PLEKHM1: variants seen among roughly 807,000 people sequenced by gnomAD.
PLEKHM1 encodes pleckstrin homology and RUN domain containing M1, also known as pleckstrin homology domain-containing family M member 1.
A neutral mutation model predicts 94.3 loss-of-function variants in PLEKHM1; 28 were observed. The ratio of observed to expected loss-of-function variants is 0.30; its 90% CI spans 0.22 to 0.41. The LOEUF (loss-of-function observed/expected upper bound fraction) is 0.41, where lower values mean the gene tolerates loss of function less well. PLEKHM1 is among the 10% of genes least tolerant of loss of function. The pLI, the probability that PLEKHM1 is intolerant of heterozygous loss-of-function variation, is 1.00. For missense variants in PLEKHM1, 907 were observed against 1,358.6 expected, an observed-to-expected ratio of 0.67 and a Z score of 5.22; for synonymous variants, 424 against 581.2, an observed-to-expected ratio of 0.73 and a Z score of 3.89.
intron 8 of PLEKHM1, among the ~76,000 whole-genome samples, chr17:45,448,448 C>G: frequency 6.6e-6 from 1 of 152,376 alleles, no homozygotes; most frequent in South Asian, 2.1e-4. Context: ...ACATAGCTGG[C>G]AGGCCCTGGC....
At chr17:45,435,435 AAAAC>A (rs1189447645), downstream of PLEKHM1, among the ~76,000 whole-genome samples, 11 of 152,210 alleles carry the variant, frequency 7.2e-5, no homozygotes, top group Non-Finnish European at 1.3e-4. Context: ...TTTGAGCCCT[AAAAC>A]CATGAGCCCT....
At position 45,478,156 on chromosome 17, in the gene PLEKHM1, C is replaced by G. The variant is rs1488056257; in HGVS notation, c.49-9G>C. The G allele has an allele frequency of 5.0e-6, 8 of 1,614,054 alleles. No individual in the cohort carries two copies. Among genetic ancestry groups the G allele is most frequent in the Non-Finnish European group, 5.9e-6 (7 of 1,180,026 alleles). ...AGCTTCTTCTTGATGACCTAGGCAGCACCACACAGAACACAGGCCTTTAGC... is the reference window on the plus strand; with the variant it reads ...AGCTTCTTCTTGATGACCTAGGCAGGACCACACAGAACACAGGCCTTTAGC... On this transcript the variant is annotated splice_polypyrimidine_tract_variant and intron_variant, in intron 2 of 11. Transcript: ENST00000430334.
intron 1 of PLEKHM1, among the ~76,000 whole-genome samples, chr17:45,489,423 G>A (rs2868667): frequency 9.2e-5 from 14 of 152,280 alleles, no homozygotes; most frequent in Admixed American, 1.3e-4. Context: ...TCTCCAGGGC[G>A]AGAACACCAA....
Position 45,490,665 on chromosome 17 carries a change from G to C in PLEKHM1, c.-55C>G, listed in dbSNP as rs1234034282. The stretch of plus-strand genomic sequence containing the variant: ...CCCCTAACTCACCAAGCGGAGCGAG[G>C]AGCGAGGCGAGGGGCGCTCCCGGCC... On this transcript the variant is annotated 5_prime_UTR_variant, in exon 1 of 12. Coordinates refer to ENST00000430334, the MANE Select transcript of PLEKHM1 (RefSeq NM_014798.3). The C allele has an allele frequency of 1.1e-5, 5 of 450,642 alleles. No individual in the cohort carries two copies. Among genetic ancestry groups the C allele is most frequent in the Non-Finnish European group, 2.2e-5 (5 of 224,528 alleles). 27.9% of individuals were successfully genotyped at this position (450,642 alleles called of 1,614,324 possible).
In PLEKHM1 at chr17:45,437,418, G is replaced by A. The variant is rs1481796157; in HGVS notation, c.*440C>T. The A allele has an allele frequency of 1.8e-5, 8 of 455,390 alleles. No homozygotes were observed. In the Admixed American group the frequency reaches 1.9e-4, roughly 11 times the overall value. The allele number at this position is 455,390 out of a possible 1,614,324, so 28.2% of individuals were successfully genotyped here. On this transcript the variant is annotated 3_prime_UTR_variant, in exon 12 of 12. Transcript: ENST00000430334. The surrounding 1 kb of genome is among the most constrained non-coding windows in gnomAD (Gnocchi z 4.0). ...TGGATTTCATGGGTGACTCACGTAG[G>A]GTCAAGAATAAAAAAATACTTTCTG...
intron 9 of PLEKHM1, among the ~76,000 whole-genome samples, chr17:45,442,894 C>A (rs2050492108): frequency 6.6e-6 from 1 of 152,164 alleles, no homozygotes; most frequent in African/African-American, 2.4e-5. Context: ...CTCCTGCCAG[C>A]CTCTTGCTAC....
chr17:45,485,944 C>T (rs1405858160), intron 1 of PLEKHM1, among the ~76,000 whole-genome samples: 3 of 150,482 alleles, frequency 2.0e-5, no homozygotes, highest in Non-Finnish European at 4.4e-5. Context: ...TGGCATGGCG[C>T]CGTGGCTCAC....
Position 45,439,458 on chromosome 17 carries a change from G to A in PLEKHM1, c.3059+19C>T. The stretch of plus-strand genomic sequence containing the variant: ...GGAAGGGTGGGGCTGGAAGGCGGCT[G>A]GCTGGGTGTCCCGCATACCTGACTG... On this transcript the variant is annotated intron_variant, in intron 11 of 11. Transcript: ENST00000430334. 1.9e-6 allele frequency: 3 copies of A among 1,614,010 alleles called. No individual in the cohort carries two copies. The highest frequency in any genetic ancestry group is 2.5e-6 in the Non-Finnish European group (3 of 1,179,940).
Position 45,475,350 on chromosome 17 carries a change from G to A in PLEKHM1, c.673C>T (p.His225Tyr), listed in dbSNP as rs776735731. ...QRKESLDSIS[H>Y]SSGSEDIEVH... ...TCGATGTCTTCAGAGCCTGAAGAAT[G>A]GGAAATGGAATCCAGAGATTCCTTC... Residue 225 changes from histidine (H) to tyrosine (Y), a missense_variant, in exon 4 of 12, where the codon CAT becomes TAT. His to Tyr is a moderately conservative substitution (Grantham distance 83, BLOSUM62 2). Coordinates refer to ENST00000430334, the MANE Select transcript of PLEKHM1 (RefSeq NM_014798.3). 1 of 1,613,944 alleles carries A rather than the reference G, an allele frequency of 6.2e-7. No homozygotes were observed. The highest frequency in any genetic ancestry group is 8.5e-7 in the Non-Finnish European group (1 of 1,179,852).
At chr17:45,484,427 C>T (rs898606060) in intron 1 of PLEKHM1, among the ~76,000 whole-genome samples, 6 of 152,246 alleles carry the variant, frequency 3.9e-5, no homozygotes, top group Non-Finnish European at 8.8e-5. Context: ...CTTCTGCTGA[C>T]TTTTAACTCT....
At position 45,445,269 on chromosome 17, in the gene PLEKHM1, A is replaced by G. The variant is rs2050567806; in HGVS notation, c.2837+201T>C. On this transcript the variant is annotated intron_variant, in intron 9 of 11. Coordinates refer to ENST00000430334, the MANE Select transcript of PLEKHM1 (RefSeq NM_014798.3). This position sits in a 1 kb window ranked among gnomAD's most constrained non-coding sequence, Gnocchi z 4.2. ...TGCCCCTGTGTGTGTGTGCATGTGC[A>G]CGAGTGCCTGCATGTGTGTACATTT... 6.6e-6 allele frequency among the ~76,000 whole-genome samples: 1 copy of G among 152,250 alleles called. No individual in the cohort carries two copies. Among genetic ancestry groups the G allele is most frequent in the Non-Finnish European group, 1.5e-5 (1 of 68,040 alleles).
chr17:45,449,041 G>GA (rs1377810237), intron 8 of PLEKHM1, among the ~76,000 whole-genome samples: 2 of 152,092 alleles, frequency 1.3e-5, no homozygotes, highest in African/African-American at 4.8e-5. Context: ...TGGTCTTTGG[G>GA]TTTTTCTGTA....
At chr17:45,454,432 T>G in intron 6 of PLEKHM1, 160 bp from the exon 7 acceptor site, 1 of 694,064 alleles carries the variant, frequency 1.4e-6, no homozygotes, top group Non-Finnish European at 2.6e-6. Flanking sequence ...CCCTGAAAGC[T>G]GGATGGGAAC....
At chr17:45,472,164 C>T (rs542288437) in intron 4 of PLEKHM1, among the ~76,000 whole-genome samples, 8 of 151,686 alleles carry the variant, frequency 5.3e-5, no homozygotes, top group South Asian at 2.1e-4. Flanking sequence ...CTCTAAATGT[C>T]GGTGAGAACA....
intron 2 of PLEKHM1, among the ~76,000 whole-genome samples, chr17:45,481,765 C>T (rs1206545808): frequency 2.0e-5 from 3 of 151,684 alleles, no homozygotes; most frequent in Non-Finnish European, 2.9e-5. Context: ...GGGAAAGGCA[C>T]GTCTCTGAGA....
chr17:45,481,734 G>C (rs2145348792), intron 2 of PLEKHM1, among the ~76,000 whole-genome samples: 1 of 151,260 alleles, frequency 6.6e-6, no homozygotes, highest in South Asian at 2.1e-4. Context: ...GGTGGAGCTG[G>C]ACTCTCCTGT....
At chr17:45,459,015 C>T (rs2051070917) in intron 5 of PLEKHM1, among the ~76,000 whole-genome samples, 1 of 151,930 alleles carries the variant, frequency 6.6e-6, no homozygotes. Flanking sequence ...GTAGTCTCAG[C>T]TACTGAGGAG....
At position 45,445,453 on chromosome 17, in the gene PLEKHM1, A is replaced by C. The variant is rs767093149; in HGVS notation, c.2837+17T>G. On this transcript the variant is annotated intron_variant, in intron 9 of 11. Coordinates refer to ENST00000430334, the MANE Select transcript of PLEKHM1 (RefSeq NM_014798.3). This position sits in a 1 kb window ranked among gnomAD's most constrained non-coding sequence, Gnocchi z 4.2. Reference sequence around the variant, plus strand: ...TGTGTACGTGCACTCACACGCATACACGTAGAGGTTGCTCACCTCTTGCTG... The same window carrying C: ...TGTGTACGTGCACTCACACGCATACCCGTAGAGGTTGCTCACCTCTTGCTG... The C allele has an allele frequency of 8.1e-6, 13 of 1,607,236 alleles. No individual in the cohort carries two copies. In the South Asian group the frequency reaches 1.3e-4, roughly 16 times the overall value.
intron 9 of PLEKHM1, among the ~76,000 whole-genome samples, chr17:45,442,058 G>A (rs1210694616): frequency 3.3e-5 from 5 of 152,162 alleles, no homozygotes; most frequent in African/African-American, 4.8e-5. Flanking sequence ...CCCGGCTGTC[G>A]GGAGGGACAA....
Sources: allele counts gnomAD v4.1 joint callset (sites outside exome capture counted in the v4.1 genomes callset), GRCh38; gene constraint gnomAD v4.1.1; non-coding constraint Gnocchi (gnomAD v3.1); transcripts MANE v1.5; gene names NCBI Gene and HGNC (gene_info 2026-07-23, HGNC 2026-07-21).